CCL28: variants seen among roughly 807,000 people sequenced by gnomAD.
The protein encoded by CCL28 is C-C motif chemokine 28.
CCL28 carries 4 observed loss-of-function variants against 7.1 expected under a neutral mutation model. That is an observed-to-expected ratio of 0.56 (90% CI 0.28 to 1.29). CCL28 has a LOEUF of 1.29. Among genes scored for constraint, CCL28 ranks in the 50% most tolerant of loss-of-function variants. The pLI is 0.11. For missense variants in CCL28, 151 were observed against 163.4 expected (o/e 0.92, Z 0.41); for synonymous variants, 55 against 57.8 (o/e 0.95, Z 0.22).
chr5:43,404,280 G>A (rs961267692), intron 1 of CCL28, among the ~76,000 whole-genome samples: 8 of 152,188 alleles, frequency 5.3e-5, no homozygotes, highest in Non-Finnish European at 1.2e-4. Context: ...TACCCACAAA[G>A]GGAAGCCCAT....
chr5:43,364,424 A>T, the CCL28 span, among the ~76,000 whole-genome samples: 1 of 152,268 alleles, frequency 6.6e-6, no homozygotes, highest in African/African-American at 2.4e-5. Flanking sequence ...TTTGATCATT[A>T]TACAACATAT....
downstream of CCL28, among the ~76,000 whole-genome samples, chr5:43,374,091 G>A (rs1282627250): frequency 6.6e-6 from 1 of 152,226 alleles, no homozygotes; most frequent in Admixed American, 6.5e-5. Context: ...TCTCAAGAGT[G>A]CATGACTGCT....
chr5:43,393,559 T>G (rs925433067), intron 1 of CCL28, among the ~76,000 whole-genome samples: 2 of 152,140 alleles, frequency 1.3e-5, no homozygotes, highest in Non-Finnish European at 2.9e-5. Flanking sequence ...TTCACCATGT[T>G]GGCCAGGTTG....
At chr5:43,369,028 A>C in the CCL28 span, among the ~76,000 whole-genome samples, 4 of 26,130 alleles carry the variant, frequency 1.5e-4, no homozygotes, top group East Asian at 8.2e-4. Context: ...GGGAGAGAGA[A>C]AGAGAGAAAG....
chr5:43,358,448 C>T, the CCL28 span, among the ~76,000 whole-genome samples: 1 of 152,178 alleles, frequency 6.6e-6, no homozygotes, highest in Non-Finnish European at 1.5e-5. Flanking sequence ...CCAAAACTGG[C>T]CTGTTTGAAG....
chr5:43,386,795 TC>T (rs1301829100), intron 2 of CCL28, among the ~76,000 whole-genome samples: 1 of 152,024 alleles, frequency 6.6e-6, no homozygotes, highest in African/African-American at 2.4e-5. Flanking sequence ...AATGGATAAA[TC>T]CCTCTGAAAG....
chr5:43,377,769 G>C (rs1242116367), downstream of CCL28, among the ~76,000 whole-genome samples: 1 of 104,228 alleles, frequency 9.6e-6, no homozygotes, highest in African/African-American at 3.9e-5. Context: ...GTCTCGCTCT[G>C]TCGCCCAGGC....
chr5:43,358,298 C>T, the CCL28 span, among the ~76,000 whole-genome samples: 3 of 152,062 alleles, frequency 2.0e-5, no homozygotes, highest in Non-Finnish European at 1.5e-5. Flanking sequence ...ATGAGTGTTG[C>T]CATGAGCTGA....
the CCL28 span, among the ~76,000 whole-genome samples, chr5:43,358,517 C>T: frequency 1.6e-4 from 25 of 152,262 alleles, no homozygotes; most frequent in African/African-American, 4.6e-4. Context: ...ACTTAGTTTC[C>T]GTTTGGTGGA....
the CCL28 span, among the ~76,000 whole-genome samples, chr5:43,370,544 G>A: frequency 8.2e-3 from 1,242 of 152,116 alleles, 15 homozygotes; most frequent in African/African-American, 0.029. Context: ...AGCTGCCAAT[G>A]TATTGTGTCC....
At chr5:43,367,920 A>G in the CCL28 span, among the ~76,000 whole-genome samples, 1,255 of 152,340 alleles carry the variant, frequency 8.2e-3, 15 homozygotes, top group African/African-American at 0.029. Flanking sequence ...TATTTCCCAT[A>G]CAAATCTTCA....
intron 1 of CCL28, among the ~76,000 whole-genome samples, chr5:43,398,214 C>CT (rs1471445349): frequency 0.04 from 26 of 654 alleles, no homozygotes; most frequent in East Asian, 0.32. Context: ...AATTAGCAGA[C>CT]TTTTTTTTCT....
chr5:43,359,714 CAAGATTTGT>C, the CCL28 span, among the ~76,000 whole-genome samples: 5 of 152,168 alleles, frequency 3.3e-5, no homozygotes, highest in Admixed American at 6.6e-5. Flanking sequence ...CCAGAGATCA[CAAGATTTGT>C]AACTTCCTCA....
intron 1 of CCL28, among the ~76,000 whole-genome samples, chr5:43,389,146 G>A (rs1181028950): frequency 6.6e-6 from 1 of 152,182 alleles, no homozygotes; most frequent in African/African-American, 2.4e-5. Context: ...AGTGAAAGGA[G>A]GGGACACGGA....
intron 1 of CCL28, among the ~76,000 whole-genome samples, chr5:43,400,245 G>T (rs1561164831): frequency 6.6e-6 from 1 of 152,106 alleles, no homozygotes; most frequent in African/African-American, 2.4e-5. Flanking sequence ...CCCTGTTTTG[G>T]TTCTGTCTAT....
At chr5:43,382,723 CAAAACTA>C (rs1336279476) in intron 2 of CCL28, among the ~76,000 whole-genome samples, 2 of 152,162 alleles carry the variant, frequency 1.3e-5, no homozygotes, top group Non-Finnish European at 2.9e-5. Context: ...ATTAACAAAA[CAAAACTA>C]AGATATTCTA....
At chr5:43,361,354 C>T in the CCL28 span, among the ~76,000 whole-genome samples, 6 of 152,086 alleles carry the variant, frequency 3.9e-5, no homozygotes, top group South Asian at 1.2e-3. Flanking sequence ...GTGAGATGGT[C>T]TTTCATTGTG....
chr5:43,362,742 G>A, the CCL28 span, among the ~76,000 whole-genome samples: 2 of 152,104 alleles, frequency 1.3e-5, no homozygotes, highest in African/African-American at 4.8e-5. Flanking sequence ...TTTAACATTC[G>A]ATTTGGAGAA....
At chr5:43,386,855 T>C (rs2111743151) in intron 2 of CCL28, among the ~76,000 whole-genome samples, 1 of 152,302 alleles carries the variant, frequency 6.6e-6, no homozygotes, top group African/African-American at 2.4e-5. Context: ...ATCATTAAGA[T>C]GATCTGCAGA....
Sources: allele counts gnomAD v4.1 joint callset (sites outside exome capture counted in the v4.1 genomes callset), GRCh38; gene constraint gnomAD v4.1.1; transcripts MANE v1.5; gene names NCBI Gene and HGNC (gene_info 2026-07-23, HGNC 2026-07-21).